DMD: variants seen among roughly 807,000 people sequenced by gnomAD.
DMD encodes the protein dystrophin, also known as mutant dystrophin.
Under a neutral mutation model 330.1 loss-of-function variants are expected in DMD, and 63 were observed. The observed-to-expected ratio is 0.19, with a 90% confidence interval of 0.16 to 0.24. DMD has a LOEUF of 0.24. DMD is among the 10% of genes least tolerant of loss of function. DMD has a pLI of 1.00. For missense variants in DMD, 3,344 were observed against 2,684.1 expected, an observed-to-expected ratio of 1.25 and a Z score of -5.43; for synonymous variants, 1,223 against 959.8, an observed-to-expected ratio of 1.27 and a Z score of -5.07.
At chrX:32,926,016 G>A (rs1000053199) in intron 2 of DMD, among the ~76,000 whole-genome samples, 6 of 111,905 alleles carry the variant, frequency 5.4e-5, no homozygotes, top group African/African-American at 2.0e-4. Flanking sequence ...TTGCAGCATT[G>A]TTCACAATAG....
rs190575047 is a variant in DMD at position 32,433,181 on chromosome X, C to A, written c.4071+5060G>T. 5.6e-3 allele frequency among the ~76,000 whole-genome samples: 631 copies of A among 111,896 alleles called. 5 individuals carry two copies. The South Asian group carries it at 0.066, about 12-fold the overall frequency. ...CCATGTTTTAAGCTTTCCTTAAAAA[C>A]GGGGAAACTCGTTAATTGCCATATT... On this transcript the variant is annotated intron_variant, in intron 29 of 78. Coordinates refer to ENST00000357033, the MANE Select transcript of DMD (RefSeq NM_004006.3).
At position 32,518,125 on chromosome X, in the gene DMD, A is replaced by G. The variant is rs2148804903; in HGVS notation, c.2175T>C (p.Asp725=). 2 of 1,209,478 alleles carry G rather than the reference A, an allele frequency of 1.7e-6. No homozygotes were observed. Among genetic ancestry groups the G allele is most frequent in the Non-Finnish European group, 2.2e-6 (2 of 893,514 alleles). ...AGCTGTGAAGTTCAGTTATATCAAC[A>G]TCCAACCTAAGACAGCAAAAAATAA... ...TVDSEIRKRL[D]VDITELHSWI... Residue 725 remains aspartate, a synonymous_variant, in exon 18 of 79, where the codon GAT becomes GAC. Coordinates refer to ENST00000357033, the MANE Select transcript of DMD (RefSeq NM_004006.3).
At chrX:33,079,768 G>T (rs2148227594) in intron 1 of DMD, among the ~76,000 whole-genome samples, 1 of 111,549 alleles carries the variant, frequency 9.0e-6, no homozygotes, top group Admixed American at 9.6e-5. Flanking sequence ...GTCACCATAA[G>T]TCATTCATTT....
At chrX:31,659,468 G>T in intron 53 of DMD, among the ~76,000 whole-genome samples, 1 of 108,148 alleles carries the variant, frequency 9.2e-6, no homozygotes, top group African/African-American at 3.4e-5. Flanking sequence ...GTGAAACACC[G>T]TCTCTACTAA....
intron 7 of DMD, among the ~76,000 whole-genome samples, chrX:32,742,638 C>T (rs1261126978): frequency 9.0e-6 from 1 of 111,525 alleles, no homozygotes; most frequent in African/African-American, 3.3e-5. Flanking sequence ...ACAAAAGAAT[C>T]AGGAATGAGA....
At chrX:31,430,538 A>T (rs958821637) in intron 60 of DMD, among the ~76,000 whole-genome samples, 4 of 111,729 alleles carry the variant, frequency 3.6e-5, no homozygotes, top group Non-Finnish European at 1.9e-5. Flanking sequence ...ACAGATAAGC[A>T]GTAGGTAGCA....
chrX:32,730,635 G>C (rs1268083210), intron 7 of DMD, among the ~76,000 whole-genome samples: 1 of 111,981 alleles, frequency 8.9e-6, no homozygotes, highest in East Asian at 2.8e-4. Flanking sequence ...GACAGGACTA[G>C]AAAGCCTATG....
At chrX:32,935,621 T>C (rs1029896984) in intron 2 of DMD, among the ~76,000 whole-genome samples, 9 of 112,097 alleles carry the variant, frequency 8.0e-5, no homozygotes, top group African/African-American at 2.3e-4. Flanking sequence ...TCAGTGTAAA[T>C]TGATTTCCTA....
At chrX:31,478,536 C>T (rs1396204764) in intron 58 of DMD, among the ~76,000 whole-genome samples, 162 bp from the exon 59 acceptor site, 3 of 111,689 alleles carry the variant, frequency 2.7e-5, no homozygotes, top group Non-Finnish European at 5.6e-5. Flanking sequence ...CAGCCCAGAA[C>T]ATCTAAAGTA....
intron 1 of DMD, among the ~76,000 whole-genome samples, chrX:33,097,773 G>A (rs186189851): frequency 1.1e-3 from 121 of 108,524 alleles, no homozygotes; most frequent in African/African-American, 3.8e-3. Context: ...TGGCCACCAC[G>A]CCCGGCTAAT....
intron 3 of DMD, among the ~76,000 whole-genome samples, chrX:32,845,995 G>C (rs775253061): frequency 9.1e-6 from 1 of 110,444 alleles, no homozygotes; most frequent in Non-Finnish European, 1.9e-5. Flanking sequence ...TCCAGACCTT[G>C]TCCAGGGCAC....
chrX:32,455,533 G>T (rs1479099904), intron 25 of DMD, among the ~76,000 whole-genome samples: 2 of 111,167 alleles, frequency 1.8e-5, no homozygotes, highest in Non-Finnish European at 3.8e-5. Flanking sequence ...CAACCTTTTA[G>T]ATAGTAAGAT....
intron 1 of DMD, among the ~76,000 whole-genome samples, chrX:33,179,994 G>A (rs774990618): frequency 9.1e-6 from 1 of 109,409 alleles, no homozygotes; most frequent in African/African-American, 3.3e-5. Context: ...GCACCACCAC[G>A]CCTGGCTAAT....
intron 44 of DMD, among the ~76,000 whole-genome samples, chrX:32,202,743 T>C (rs1328114683): frequency 8.9e-6 from 1 of 112,394 alleles, no homozygotes; most frequent in Non-Finnish European, 1.9e-5. Context: ...TCATGTGGTA[T>C]GTCTGAGAAG....
At chrX:32,777,004 A>T (rs2074214578) in intron 7 of DMD, among the ~76,000 whole-genome samples, 1 of 110,676 alleles carries the variant, frequency 9.0e-6, no homozygotes, top group Non-Finnish European at 1.9e-5. Flanking sequence ...AATGGGTCAT[A>T]AAAAAGTATA....
intron 11 of DMD, among the ~76,000 whole-genome samples, chrX:32,632,361 T>G (rs932459765): frequency 9.0e-5 from 10 of 111,629 alleles, no homozygotes. Flanking sequence ...GTGTTTCATT[T>G]CCAGATACAA....
chrX:32,809,702 T>A (rs1329349800), intron 6 of DMD, 91 bp from the exon 7 acceptor site: 1 of 762,355 alleles, frequency 1.3e-6, no homozygotes, highest in Non-Finnish European at 2.0e-6. Flanking sequence ...TTAATTTTCA[T>A]TGACAACCAA....
At position 32,674,291 on chromosome X, in the gene DMD, A is replaced by C. The variant is rs547764171; in HGVS notation, c.960+23579T>G. On this transcript the variant is annotated intron_variant, in intron 9 of 78. Coordinates refer to ENST00000357033, the MANE Select transcript of DMD (RefSeq NM_004006.3). ...GTCCACTGGATGGATCATAAAGACT[A>C]ATTGAAAGGGACTGCTAATCACCCA... is the stretch of plus-strand genomic sequence containing the variant. Among the ~76,000 whole-genome samples the C allele has an allele frequency of 2.7e-5, 3 of 111,721 alleles. No homozygotes were observed. The South Asian group carries it at 1.1e-3, about 42-fold the overall frequency.
chrX:32,917,944 C>G (rs1295222942), intron 2 of DMD, among the ~76,000 whole-genome samples: 1 of 106,559 alleles, frequency 9.4e-6, no homozygotes, highest in Admixed American at 1.0e-4. Context: ...GGTATCATCA[C>G]TAGACCACAG....
Sources: allele counts gnomAD v4.1 joint callset (sites outside exome capture counted in the v4.1 genomes callset), GRCh38; gene constraint gnomAD v4.1.1; transcripts MANE v1.5; gene names NCBI Gene and HGNC (gene_info 2026-07-23, HGNC 2026-07-21).